NLRP5: variants seen among roughly 807,000 people sequenced by gnomAD.
The protein encoded by NLRP5 is NLR family pyrin domain containing 5, also known as NACHT, LRR and PYD domains-containing protein 5.
A neutral mutation model predicts 113.1 loss-of-function variants in NLRP5; 93 were observed. The ratio of observed to expected loss-of-function variants is 0.82; its 90% CI spans 0.70 to 0.98. The LOEUF (loss-of-function observed/expected upper bound fraction) is 0.98. NLRP5 is among the 50% of genes least tolerant of loss of function. NLRP5 has a pLI of 0.00. For missense variants in NLRP5, 1,808 were observed against 1,514.3 expected (o/e 1.19, Z -3.22); for synonymous variants, 751 against 600.7 (o/e 1.25, Z -3.66).
intron 13 of NLRP5, 50 bp downstream of exon 13, chr19:56,053,858 G>C: frequency 6.4e-7 from 1 of 1,574,652 alleles, no homozygotes; most frequent in Non-Finnish European, 8.7e-7. Context: ...GGAGGTGGGG[G>C]ACCCCAGCAT....
At chr19:56,038,945 G>A (rs1330296969) in intron 10 of NLRP5, among the ~76,000 whole-genome samples, 1 of 152,116 alleles carries the variant, frequency 6.6e-6, no homozygotes, top group Non-Finnish European at 1.5e-5. Context: ...TGAAGTTCTG[G>A]GACTACAGGT....
intron 6 of NLRP5, among the ~76,000 whole-genome samples, chr19:56,022,513 G>A (rs931338587): frequency 2.0e-5 from 3 of 152,108 alleles, no homozygotes; most frequent in Non-Finnish European, 4.4e-5. Context: ...ACAGGGATGA[G>A]CCACTACGCC....
intron 7 of NLRP5, 84 bp from the exon 8 acceptor site, chr19:56,032,527 G>C: frequency 1.5e-6 from 2 of 1,290,852 alleles, no homozygotes; most frequent in Non-Finnish European, 2.1e-6. Flanking sequence ...TCGAGAGCTC[G>C]GTCCCTCTCC....
At chr19:55,990,988 GA>G in the NLRP5 span, among the ~76,000 whole-genome samples, 44 of 148,916 alleles carry the variant, frequency 3.0e-4, no homozygotes, top group African/African-American at 8.8e-4. Context: ...CCATCTCAAA[GA>G]AAAAAAAAAT....
intron 9 of NLRP5, among the ~76,000 whole-genome samples, chr19:56,036,719 G>A (rs1015949562): frequency 6.6e-6 from 1 of 152,176 alleles, no homozygotes; most frequent in Non-Finnish European, 1.5e-5. Context: ...AACTCTGGGA[G>A]GCTGAGGCAG....
In NLRP5 at chr19:56,004,185, G is replaced by A. The variant is rs950710245; in HGVS notation, c.442+90G>A. 2.1e-5 allele frequency: 29 copies of A among 1,361,564 alleles called. No individual in the cohort carries two copies. In the African/African-American group the frequency reaches 3.9e-4, roughly 18 times the overall value. 84.3% of individuals were successfully genotyped at this position (1,361,564 alleles called of 1,614,324 possible). A position where few individuals can be genotyped will look rare whatever the true frequency, so the allele number is the denominator to read the frequency against. On this transcript the variant is annotated intron_variant, in intron 2 of 14. Coordinates refer to ENST00000390649, the MANE Select transcript of NLRP5 (RefSeq NM_153447.4). ...AGGGAAGAATCGTTGTTCAGTAACC[G>A]GCTCCACCTCTGCAGTGTGAGTCTG...
upstream of NLRP5, among the ~76,000 whole-genome samples, chr19:55,996,374 T>C (rs1981325572): frequency 6.6e-6 from 1 of 152,206 alleles, no homozygotes; most frequent in African/African-American, 2.4e-5. Context: ...TTTTATACTT[T>C]AAGTTCTAGG....
At chr19:55,987,603 G>C in the NLRP5 span, among the ~76,000 whole-genome samples, 1 of 152,332 alleles carries the variant, frequency 6.6e-6, no homozygotes, top group Admixed American at 6.5e-5. Context: ...GCCTGGGGTA[G>C]AAAGCAGCAA....
intron 3 of NLRP5, among the ~76,000 whole-genome samples, chr19:56,010,253 C>G (rs934616594): frequency 6.6e-6 from 1 of 152,206 alleles, no homozygotes; most frequent in South Asian, 2.1e-4. Context: ...GCAGCGAGAC[C>G]CAGAAGCTCA....
Position 56,043,768 on chromosome 19 carries a change from A to G in NLRP5, c.2957+2676A>G, listed in dbSNP as rs147674223. ...TTTTGTGTGTGTTTTTAGTAGAGAC[A>G]GGGTTTCACCACGTTAGCCAGGATG... On this transcript the variant is annotated intron_variant, in intron 11 of 14. Coordinates refer to ENST00000390649, the MANE Select transcript of NLRP5 (RefSeq NM_153447.4). 7.0e-3 allele frequency among the ~76,000 whole-genome samples: 1,053 copies of G among 151,204 alleles called. 8 individuals carry two copies. Among genetic ancestry groups the G allele is most frequent in the South Asian group, 0.015 (72 of 4,784 alleles).
chr19:56,021,930 G>A (rs781354850), intron 6 of NLRP5, among the ~76,000 whole-genome samples: 2 of 152,164 alleles, frequency 1.3e-5, no homozygotes, highest in Non-Finnish European at 2.9e-5. Flanking sequence ...CTGGTGGGTG[G>A]TGATGCCAGG....
chr19:56,023,874 T>G (rs1485202496), intron 6 of NLRP5, among the ~76,000 whole-genome samples: 3 of 152,180 alleles, frequency 2.0e-5, no homozygotes, highest in African/African-American at 7.2e-5. Flanking sequence ...TTAGTAATTG[T>G]ATTACACATT....
chr19:56,047,518 C>T (rs1303944779), intron 11 of NLRP5, among the ~76,000 whole-genome samples: 1 of 152,042 alleles, frequency 6.6e-6, no homozygotes, highest in Non-Finnish European at 1.5e-5. Flanking sequence ...ATTTAATTTC[C>T]ACGTGTTTGC....
rs1983171177 is a variant in NLRP5 at position 56,032,749 on chromosome 19, G to A, written c.2415G>A (p.Leu805=). Residue 805 remains leucine, a synonymous_variant, in exon 8 of 15, where the codon CTG becomes CTA. Transcript: ENST00000390649. ...CCATGAAGACCCTGTGTGCCAAGCT[G>A]AGGCATCCCACCTGCAAGATACAGA... 1.7e-5 allele frequency: 27 copies of A among 1,612,182 alleles called. No individual in the cohort carries two copies. Among genetic ancestry groups the A allele is most frequent in the Non-Finnish European group, 2.3e-5 (27 of 1,179,580 alleles).
chr19:56,007,888 T>TGTGCGC lies in NLRP5; in HGVS notation c.443-899_443-898insTGCGCG, dbSNP rs1377801756. ...GACAGTTTGTGTGTGTGTGTGTGTG[T>TGTGCGC]GCGCGTGCGCGCGTGCGTGTGTGTG... On this transcript the variant is annotated intron_variant, in intron 2 of 14. Coordinates refer to ENST00000390649, the MANE Select transcript of NLRP5 (RefSeq NM_153447.4). Among the ~76,000 whole-genome samples, 20 of 67,992 alleles carry TGTGCGC rather than the reference T, an allele frequency of 2.9e-4. 5 individuals are homozygous for TGTGCGC. Among genetic ancestry groups the TGTGCGC allele is most frequent in the African/African-American group, 9.5e-4 (20 of 21,068 alleles). The allele number at this position is 67,992 out of a possible 152,430, so 44.6% of individuals were successfully genotyped here.
intron 10 of NLRP5, 85 bp from the exon 11 acceptor site, chr19:56,040,837 G>A (rs1317457409): frequency 4.0e-5 from 47 of 1,175,556 alleles, no homozygotes; most frequent in Middle Eastern, 2.5e-4. Context: ...GGGGTGATAC[G>A]TCTTTCCCCT....
Position 56,040,923 on chromosome 19 carries a change from C to A in NLRP5, c.2788C>A (p.Leu930Met), listed in dbSNP as rs759497103. The change falls in exon 11 of 15, where the codon CTG becomes ATG. Residue 930 changes from leucine to methionine, a missense_variant and splice_region_variant. Coordinates refer to ENST00000390649, the MANE Select transcript of NLRP5 (RefSeq NM_153447.4). ...CTCTCTGGGGCTCTCTTCTTGCAGA[C>A]TGGAGGACTGTGGCATCACAGCCAC... is the stretch of plus-strand genomic sequence containing the variant. 3 of 1,613,536 alleles carry A rather than the reference C, an allele frequency of 1.9e-6. No homozygotes were observed. Among genetic ancestry groups the A allele is most frequent in the Admixed American group, 3.3e-5 (2 of 59,988 alleles).
At chr19:56,060,301 C>A (rs544275713) in intron 14 of NLRP5, among the ~76,000 whole-genome samples, 1 of 151,996 alleles carries the variant, frequency 6.6e-6, no homozygotes, top group East Asian at 1.9e-4. Flanking sequence ...ATGTTTATTT[C>A]TCCTCTAGTA....
chr19:55,989,029 T>C, the NLRP5 span, among the ~76,000 whole-genome samples: 688 of 152,316 alleles, frequency 4.5e-3, 9 homozygotes, highest in East Asian at 0.024. Flanking sequence ...TAAATATTTA[T>C]AGGAATGTGT....
Sources: gnomAD v4.1 joint callset for allele counts (sites outside exome capture counted in the v4.1 genomes callset) on GRCh38, gnomAD v4.1.1 for gene constraint, MANE v1.5 for transcripts, NCBI Gene and HGNC (gene_info 2026-07-23, HGNC 2026-07-21) for gene names.